Variants in TMEM232 observed in about 807,000 individuals in gnomAD.
The protein encoded by TMEM232 is transmembrane protein 232.
Under a neutral mutation model 78.8 loss-of-function variants are expected in TMEM232, and 80 were observed. The ratio of observed to expected loss-of-function variants is 1.01; its 90% confidence interval spans 0.85 to 1.22. The LOEUF (loss-of-function observed/expected upper bound fraction) is 1.22, where lower values mean the gene tolerates loss of function less well. Among genes scored for constraint, TMEM232 ranks in the 50% most tolerant of loss-of-function variants. The pLI is 0.00. For missense variants in TMEM232, 881 were observed against 742.2 expected, an observed-to-expected ratio of 1.19 and a Z score of -2.17; for synonymous variants, 297 against 254.3, an observed-to-expected ratio of 1.17 and a Z score of -1.60.
At chr5:110,540,273 G>C (rs1268202694) in intron 11 of TMEM232, among the ~76,000 whole-genome samples, 2 of 152,150 alleles carry the variant, frequency 1.3e-5, no homozygotes, top group Non-Finnish European at 2.9e-5. Flanking sequence ...AGTTTCCCGT[G>C]GGCAATCCCA....
chr5:110,434,152 T>A (rs1758159343), intron 12 of TMEM232, among the ~76,000 whole-genome samples: 1 of 147,636 alleles, frequency 6.8e-6, no homozygotes, highest in South Asian at 2.1e-4. Flanking sequence ...CCCCAAAACA[T>A]GCAAAGAATA....
At chr5:110,613,426 T>C (rs1054269884) in intron 8 of TMEM232, among the ~76,000 whole-genome samples, 2 of 152,298 alleles carry the variant, frequency 1.3e-5, no homozygotes, top group East Asian at 1.9e-4. Flanking sequence ...ATATTTCAGT[T>C]GAATGGTCTC....
At chr5:110,670,998 G>A (rs571004268) in intron 1 of TMEM232, among the ~76,000 whole-genome samples, 14 of 151,964 alleles carry the variant, frequency 9.2e-5, no homozygotes, top group Non-Finnish European at 2.1e-4. Flanking sequence ...GCTAAACTAG[G>A]AAAAGAAAAC....
At chr5:110,670,966 A>G (rs573223578) in intron 1 of TMEM232, among the ~76,000 whole-genome samples, 4 of 152,302 alleles carry the variant, frequency 2.6e-5, no homozygotes, top group Admixed American at 2.0e-4. Context: ...ATTATAAAAA[A>G]AATATGAAGG....
At chr5:110,532,562 A>G (rs998077816) in intron 11 of TMEM232, among the ~76,000 whole-genome samples, 1 of 150,786 alleles carries the variant, frequency 6.6e-6, no homozygotes, top group Non-Finnish European at 1.5e-5. Context: ...TCTTTTAAGC[A>G]CTCCTTTTTA....
chr5:110,665,075 C>T (rs1004408691), intron 2 of TMEM232, among the ~76,000 whole-genome samples: 2 of 152,140 alleles, frequency 1.3e-5, no homozygotes, highest in African/African-American at 2.4e-5. Flanking sequence ...GGGACACTCA[C>T]ATTCAGCCCA....
intron 2 of TMEM232, among the ~76,000 whole-genome samples, chr5:110,399,258 C>T (rs1242757913): frequency 6.6e-6 from 1 of 152,050 alleles, no homozygotes; most frequent in Non-Finnish European, 1.5e-5. Context: ...AAAGATACTT[C>T]CTGAGTAAGG....
At chr5:110,580,811 T>G (rs1778120983) in intron 10 of TMEM232, among the ~76,000 whole-genome samples, 1 of 151,290 alleles carries the variant, frequency 6.6e-6, no homozygotes, top group African/African-American at 2.4e-5. Context: ...CTTCACAAAT[T>G]CAAGAAGATT....
intron 11 of TMEM232, among the ~76,000 whole-genome samples, chr5:110,541,589 C>A (rs1773120113): frequency 6.6e-6 from 1 of 152,048 alleles, no homozygotes; most frequent in African/African-American, 2.4e-5. Context: ...TTACATTCAG[C>A]ATGGAGGCTT....
intron 12 of TMEM232, among the ~76,000 whole-genome samples, chr5:110,434,488 T>C (rs1314571841): frequency 2.6e-5 from 4 of 151,578 alleles, no homozygotes; most frequent in Non-Finnish European, 4.4e-5. Context: ...ACCAACCAAA[T>C]AGCCCTGGAC....
chr5:110,478,114 A>G (rs1204648270), intron 12 of TMEM232, among the ~76,000 whole-genome samples: 1 of 151,922 alleles, frequency 6.6e-6, no homozygotes, highest in East Asian at 1.9e-4. Context: ...ATTCTTATGT[A>G]TTCACAGCAA....
chr5:110,650,284 T>G (rs1788124092), intron 2 of TMEM232, among the ~76,000 whole-genome samples: 2 of 152,116 alleles, frequency 1.3e-5, no homozygotes, highest in Non-Finnish European at 2.9e-5. Context: ...AATCTAAATT[T>G]TCTTCTAATA....
At chr5:110,688,535 A>C (rs573874118) in intron 1 of TMEM232, among the ~76,000 whole-genome samples, 1 of 152,110 alleles carries the variant, frequency 6.6e-6, no homozygotes, top group South Asian at 2.1e-4. Flanking sequence ...GTGCCTTAGG[A>C]GACAGGACCC....
At chr5:110,509,023 A>T (rs927503498) in intron 12 of TMEM232, among the ~76,000 whole-genome samples, 2 of 142,258 alleles carry the variant, frequency 1.4e-5, no homozygotes, top group Non-Finnish European at 3.0e-5. Context: ...TATATATACA[A>T]TTATATATAC....
At chr5:110,634,867 TG>T (rs527581391) in intron 5 of TMEM232, among the ~76,000 whole-genome samples, 263 of 151,772 alleles carry the variant, frequency 1.7e-3, no homozygotes, top group Non-Finnish European at 3.1e-3. Flanking sequence ...TAAATGAAAT[TG>T]AGACTAAAAA....
At chr5:110,510,046 TTGAA>T (rs1161069620) in intron 12 of TMEM232, among the ~76,000 whole-genome samples, 1 of 152,198 alleles carries the variant, frequency 6.6e-6, no homozygotes, top group Non-Finnish European at 1.5e-5. Context: ...TTTCCATATA[TTGAA>T]TGGTGACATT....
Position 110,699,411 on chromosome 5 carries a change from G to A in TMEM232, c.-13+27216C>T, listed in dbSNP as rs563747340. ...ATGACTAAAAATTATAATGCTTCTT[G>A]TAAATTTTTGACTCATTAGACCAAC... is the stretch of plus-strand genomic sequence containing the variant. On this transcript the variant is annotated intron_variant, in intron 1 of 13. Transcript: ENST00000455884. Among the ~76,000 whole-genome samples the A allele has an allele frequency of 5.9e-5, 9 of 152,170 alleles. No homozygotes were observed. In the East Asian group the frequency reaches 1.5e-3, roughly 26 times the overall value.
intron 12 of TMEM232, among the ~76,000 whole-genome samples, chr5:110,475,918 G>A (rs1289286118): frequency 6.6e-6 from 1 of 151,892 alleles, no homozygotes; most frequent in African/African-American, 2.4e-5. Context: ...CAGACATCAG[G>A]TAGAGTACTT....
intron 12 of TMEM232, among the ~76,000 whole-genome samples, chr5:110,467,262 T>G (rs951634694): frequency 1.3e-5 from 2 of 152,162 alleles, no homozygotes; most frequent in Admixed American, 6.5e-5. Context: ...CCTAGGATAC[T>G]TTTCTCCATT....
Sources: gnomAD v4.1 joint callset for allele counts (sites outside exome capture counted in the v4.1 genomes callset) on GRCh38, gnomAD v4.1.1 for gene constraint, MANE v1.5 for transcripts, NCBI Gene and HGNC (gene_info 2026-07-23, HGNC 2026-07-21) for gene names.